The following RPS6KC1 variants were observed in gnomAD, a reference collection of about 807,000 sequenced individuals.
The protein encoded by RPS6KC1 is inactive ribosomal protein S6 kinase delta-1.
Under a neutral mutation model 103.8 loss-of-function variants are expected in RPS6KC1, and 54 were observed. That is an observed-to-expected ratio of 0.52 (90% CI 0.42 to 0.65). The LOEUF is 0.65. Ranked by LOEUF, RPS6KC1 falls within the 30% of genes least tolerant of loss-of-function variation. RPS6KC1 has a pLI of 0.00. For missense variants in RPS6KC1, 1,151 were observed against 1,253.8 expected (o/e 0.92, Z 1.24); for synonymous variants, 439 against 438.7 (o/e 1.00, Z -0.01).
chr1:213,770,074 T>C, the RPS6KC1 span, among the ~76,000 whole-genome samples: 2 of 152,142 alleles, frequency 1.3e-5, no homozygotes, highest in South Asian at 2.1e-4. Context: ...AACCAGAGCA[T>C]CTCTGTTCTG....
chr1:213,859,425 T>C, the RPS6KC1 span, among the ~76,000 whole-genome samples: 6 of 152,184 alleles, frequency 3.9e-5, no homozygotes, highest in Non-Finnish European at 7.3e-5. Flanking sequence ...GAATGAAGCT[T>C]CTAGGTCAAG....
At chr1:213,197,110 T>C (rs1015469244) in intron 8 of RPS6KC1, among the ~76,000 whole-genome samples, 1 of 152,232 alleles carries the variant, frequency 6.6e-6, no homozygotes, top group African/African-American at 2.4e-5. Flanking sequence ...GTGTTGGGAT[T>C]ACAGGCATGA....
the RPS6KC1 span, among the ~76,000 whole-genome samples, chr1:213,472,683 T>C: frequency 1.3e-5 from 2 of 152,170 alleles, no homozygotes. Context: ...GTAGAGCATA[T>C]TCTAGGTTTT....
chr1:213,723,696 A>T, the RPS6KC1 span, among the ~76,000 whole-genome samples: 1 of 152,220 alleles, frequency 6.6e-6, no homozygotes, highest in Admixed American at 6.5e-5. Context: ...GCAAAGTCAA[A>T]TTTCACTCAA....
chr1:213,165,323 C>A (rs767184285), intron 6 of RPS6KC1, among the ~76,000 whole-genome samples: 1 of 152,086 alleles, frequency 6.6e-6, no homozygotes, highest in Non-Finnish European at 1.5e-5. Flanking sequence ...CTCTGCCTCC[C>A]GGGTTCAAAT....
intron 4 of RPS6KC1, among the ~76,000 whole-genome samples, chr1:213,109,836 T>C (rs919024797): frequency 6.6e-6 from 1 of 152,056 alleles, no homozygotes; most frequent in Admixed American, 6.5e-5. Flanking sequence ...GGGAAGTTTT[T>C]TTTTTTTTAT....
the RPS6KC1 span, among the ~76,000 whole-genome samples, chr1:213,770,681 T>C: frequency 1.3e-5 from 2 of 152,176 alleles, no homozygotes; most frequent in African/African-American, 4.8e-5. Context: ...CAGGTAGACA[T>C]GACAACTCAA....
At chr1:213,614,381 G>A in the RPS6KC1 span, among the ~76,000 whole-genome samples, 8 of 152,212 alleles carry the variant, frequency 5.3e-5, no homozygotes, top group Non-Finnish European at 1.0e-4. Context: ...CAGCTTAAGA[G>A]AATAAGTTAA....
chr1:213,649,656 C>T, the RPS6KC1 span, among the ~76,000 whole-genome samples: 1 of 152,056 alleles, frequency 6.6e-6, no homozygotes, highest in Non-Finnish European at 1.5e-5. Context: ...CTTTGAGTCA[C>T]AGTGTCTGTG....
chr1:213,145,309 C>T (rs58958980), intron 6 of RPS6KC1, among the ~76,000 whole-genome samples: 6 of 152,144 alleles, frequency 3.9e-5, no homozygotes, highest in Admixed American at 1.3e-4. Flanking sequence ...CCTGGCAGAA[C>T]GTTCTCTCTG....
chr1:213,841,720 T>G, the RPS6KC1 span, among the ~76,000 whole-genome samples: 2 of 152,210 alleles, frequency 1.3e-5, no homozygotes, highest in Non-Finnish European at 2.9e-5. Context: ...AAACAGTTTC[T>G]TAATGATAAA....
chr1:213,230,604 A>T, intron 9 of RPS6KC1, 60 bp downstream of exon 9: 1 of 1,298,270 alleles, frequency 7.7e-7, no homozygotes. Flanking sequence ...GGAGACTGAG[A>T]TAGGCAGGTC....
intron 3 of RPS6KC1, among the ~76,000 whole-genome samples, chr1:213,085,650 T>C (rs1010449826): frequency 3.3e-5 from 5 of 152,176 alleles, no homozygotes; most frequent in Non-Finnish European, 7.4e-5. Context: ...TACCCTTCCT[T>C]CTCCCTTTAT....
chr1:213,053,434 C>T (rs779378887), intron 1 of RPS6KC1, among the ~76,000 whole-genome samples: 4 of 152,206 alleles, frequency 2.6e-5, no homozygotes, highest in Non-Finnish European at 5.9e-5. Context: ...CTTCATTGTA[C>T]GGAGCACACC....
At chr1:213,778,980 T>A in the RPS6KC1 span, among the ~76,000 whole-genome samples, 3 of 152,138 alleles carry the variant, frequency 2.0e-5, no homozygotes, top group East Asian at 5.8e-4. Context: ...ATTTGGGTGT[T>A]TGGAGGGGTC....
the RPS6KC1 span, among the ~76,000 whole-genome samples, chr1:213,503,952 T>C: frequency 2.6e-5 from 4 of 152,172 alleles, no homozygotes; most frequent in African/African-American, 9.7e-5. Context: ...GATATTTACA[T>C]AGCATTGTTT....
chr1:213,423,262 G>T, the RPS6KC1 span, among the ~76,000 whole-genome samples: 1 of 152,208 alleles, frequency 6.6e-6, no homozygotes, highest in African/African-American at 2.4e-5. Context: ...ATTGGCAGCA[G>T]CCCAGGATGA....
chr1:213,173,471 G>A (rs1360467341), intron 7 of RPS6KC1, among the ~76,000 whole-genome samples: 4 of 152,076 alleles, frequency 2.6e-5, no homozygotes, highest in African/African-American at 4.8e-5. Flanking sequence ...TTTCTTCTCG[G>A]CATTCAAGGC....
At chr1:213,081,182 A>G (rs2079843417) in intron 3 of RPS6KC1, among the ~76,000 whole-genome samples, 1 of 152,196 alleles carries the variant, frequency 6.6e-6, no homozygotes, top group South Asian at 2.1e-4. Flanking sequence ...CTACAAAGGA[A>G]TACCCGGGGC....
Sources: allele counts gnomAD v4.1 joint callset (sites outside exome capture counted in the v4.1 genomes callset), GRCh38; gene constraint gnomAD v4.1.1; transcripts MANE v1.5; gene names NCBI Gene and HGNC (gene_info 2026-07-23, HGNC 2026-07-21).